CDC42BPB: variants seen among roughly 807,000 people sequenced by gnomAD.
CDC42BPB encodes the protein CDC42 binding protein kinase beta.
Under a neutral mutation model 214.9 loss-of-function variants are expected in CDC42BPB, and 37 were observed. The ratio of observed to expected loss-of-function variants is 0.17; its 90% CI spans 0.13 to 0.23. The LOEUF is 0.23. Ranked by LOEUF, CDC42BPB falls within the 10% of genes least tolerant of loss-of-function variation. The pLI is 1.00. For missense variants in CDC42BPB, 1,694 were observed against 2,227.0 expected (o/e 0.76, Z 4.82); for synonymous variants, 931 against 884.0 (o/e 1.05, Z -0.94).
At chr14:102,997,445 C>T (rs922880812) in intron 5 of CDC42BPB, among the ~76,000 whole-genome samples, 10 of 152,144 alleles carry the variant, frequency 6.6e-5, no homozygotes, top group African/African-American at 1.7e-4. Context: ...GAAAAATGAA[C>T]GGCTCGGAAA....
intron 4 of CDC42BPB, among the ~76,000 whole-genome samples, chr14:103,002,476 C>T (rs796821334): frequency 1.1e-4 from 17 of 152,330 alleles, no homozygotes; most frequent in African/African-American, 3.8e-4. Flanking sequence ...AGAAACAAAA[C>T]AAGCATCATC....
rs1038889878 is a variant in CDC42BPB at position 102,940,519 on chromosome 14, C to T, written c.4409-195G>A. ...TTTCAAAGTTTAAACAAACACAATC[C>T]AATGTTTAAATGCTCCACAATCACT... On this transcript the variant is annotated intron_variant, in intron 30 of 36. Coordinates refer to ENST00000361246, the MANE Select transcript of CDC42BPB (RefSeq NM_006035.4). 2.1e-4 allele frequency: 286 copies of T among 1,393,898 alleles called. 1 individual carries two copies. The highest frequency in any genetic ancestry group is 5.2e-4 in the Middle Eastern group (2 of 3,840). 86.3% of individuals were successfully genotyped at this position (1,393,898 alleles called of 1,614,324 possible).
chr14:102,951,325 C>T (rs34710550), intron 24 of CDC42BPB, among the ~76,000 whole-genome samples: 1 of 152,212 alleles, frequency 6.6e-6, no homozygotes, highest in African/African-American at 2.4e-5. Context: ...TTCACAGACC[C>T]ATGGTCAGGA....
At chr14:103,008,436 G>T in intron 3 of CDC42BPB, 36 bp downstream of exon 3, 1 of 1,334,362 alleles carries the variant, frequency 7.5e-7, no homozygotes, top group Non-Finnish European at 1.1e-6. Flanking sequence ...CTCACCCCAA[G>T]CCCCATTTGT....
chr14:103,004,119 A>G lies in CDC42BPB; in HGVS notation c.352-96T>C, dbSNP rs1353444096. The stretch of plus-strand genomic sequence containing the variant: ...GGGTCCCTCCTGGGACAGTGGCTCC[A>G]GCCACGGTGTCCCTGCCTTCCGGGC... On this transcript the variant is annotated intron_variant, in intron 3 of 36. Coordinates refer to ENST00000361246, the MANE Select transcript of CDC42BPB (RefSeq NM_006035.4). This position sits in a 1 kb window ranked among gnomAD's most constrained non-coding sequence, Gnocchi z 5.3. The G allele has an allele frequency of 5.6e-6, 8 of 1,428,646 alleles. No individual in the cohort carries two copies. Among genetic ancestry groups the G allele is most frequent in the Non-Finnish European group, 7.4e-6 (8 of 1,085,338 alleles). 88.5% of individuals were successfully genotyped at this position (1,428,646 alleles called of 1,614,324 possible).
Position 102,933,047 on chromosome 14 carries a change from A to G in CDC42BPB, c.*665T>C, listed in dbSNP as rs542119219. ...GCCGTGGAAGCGAATGGAAAACAGC[A>G]CAGCTGACTTCACAGTAGTAGATAC... On this transcript the variant is annotated 3_prime_UTR_variant, in exon 37 of 37. Coordinates refer to ENST00000361246, the MANE Select transcript of CDC42BPB (RefSeq NM_006035.4). 4.6e-5 allele frequency: 7 copies of G among 152,582 alleles called. No homozygotes were observed. The East Asian group carries it at 1.4e-3, about 29-fold the overall frequency. 9.5% of individuals were successfully genotyped at this position (152,582 alleles called of 1,614,324 possible).
rs1459897741 is a variant in CDC42BPB, at chr14:102,966,464, G to A, written c.2472-77C>T. Reference sequence around the variant, plus strand: ...AGCCAAACAAGAAGGGGACGTTCCCGCCTTCCTCGGCACACAGTGACACAG... The same window carrying A: ...AGCCAAACAAGAAGGGGACGTTCCCACCTTCCTCGGCACACAGTGACACAG... On this transcript the variant is annotated intron_variant, in intron 17 of 36. Coordinates refer to ENST00000361246, the MANE Select transcript of CDC42BPB (RefSeq NM_006035.4). 9.6e-6 allele frequency: 15 copies of A among 1,569,100 alleles called. No individual in the cohort carries two copies. The East Asian group carries it at 2.1e-4, about 22-fold the overall frequency.
rs1054178167 is a variant in CDC42BPB, at chr14:102,933,451, G to A, written c.*261C>T. ...TGCCCTCTCGGGTTGTCAGGGGTGG[G>A]AGACAGGCTGTATGGGGGTCCTTCA... On this transcript the variant is annotated 3_prime_UTR_variant, in exon 37 of 37. Coordinates refer to ENST00000361246, the MANE Select transcript of CDC42BPB (RefSeq NM_006035.4). 27 of 352,990 alleles carry A rather than the reference G, an allele frequency of 7.6e-5. No individual in the cohort carries two copies. Among genetic ancestry groups the A allele is most frequent in the Non-Finnish European group, 1.2e-4 (23 of 197,558 alleles). The allele number at this position is 352,990 out of a possible 1,614,324, so 21.9% of individuals were successfully genotyped here. A position where few individuals can be genotyped will look rare whatever the true frequency, so the allele number is the denominator to read the frequency against.
At chr14:102,953,198 A>C (rs1436775606) in intron 23 of CDC42BPB, among the ~76,000 whole-genome samples, 1 of 152,248 alleles carries the variant, frequency 6.6e-6, no homozygotes, top group Non-Finnish European at 1.5e-5. Flanking sequence ...GCAGAGACCA[A>C]TACGATCCTC....
At chr14:102,973,910 C>T in intron 12 of CDC42BPB, 106 bp downstream of exon 12, 2 of 1,371,854 alleles carry the variant, frequency 1.5e-6, no homozygotes, top group South Asian at 1.5e-5. Context: ...CAGGGACAGC[C>T]CATGGGCAGG....
rs148065700 is a variant in CDC42BPB, at chr14:102,995,086, T to C, written c.596+4479A>G. On this transcript the variant is annotated intron_variant, in intron 5 of 36. Transcript: ENST00000361246. Reference sequence around the variant, plus strand: ...TCCAAGACTTTTTGTTTTCTACATATTCTTTTTCTTAAAATTTGTACTCTG... The same window carrying C: ...TCCAAGACTTTTTGTTTTCTACATACTCTTTTTCTTAAAATTTGTACTCTG... 2.0e-3 allele frequency among the ~76,000 whole-genome samples: 305 copies of C among 152,370 alleles called. 2 individuals carry two copies. Among genetic ancestry groups the C allele is most frequent in the African/African-American group, 7.0e-3 (290 of 41,596 alleles).
Position 102,950,476 on chromosome 14 carries a change from C to T in CDC42BPB, c.3299G>A (p.Gly1100Asp). Residue 1100 changes from glycine (G) to aspartate (D), a missense_variant, in exon 25 of 37, where the codon GGC (glycine) becomes GAC (aspartate). By Grantham distance (94) the Gly-to-Asp change is moderately conservative. This residue lies in a region of CDC42BPB where 567 missense variants were observed against 790.3 expected (regional missense o/e 0.72). Transcript: ENST00000361246. The part of the protein sequence containing the change: ...VQRGIGTAYK[G>D]HVKVPKPTGV... ...GATGAAGCCGCCTACCTTGACATGG[C>T]CTTTGTAGGCTGTTCCGATGCCTCG... 6.2e-7 allele frequency: 1 copy of T among 1,613,138 alleles called. No homozygotes were observed. The highest frequency in any genetic ancestry group is 8.5e-7 in the Non-Finnish European group (1 of 1,179,978).
rs564780490 is a variant in CDC42BPB at position 103,044,498 on chromosome 14, T to C, written c.175+12501A>G. On this transcript the variant is annotated intron_variant, in intron 1 of 36. Transcript: ENST00000361246. The stretch of plus-strand genomic sequence containing the variant: ...AATTCTCCCGCCTCAGCCTCCTGAG[T>C]AGCTGGGACTACAGGCGCCCGCCAC... 2.0e-5 allele frequency among the ~76,000 whole-genome samples: 3 copies of C among 151,504 alleles called. No individual in the cohort carries two copies. In the South Asian group the frequency reaches 6.3e-4, roughly 32 times the overall value.
intron 3 of CDC42BPB, among the ~76,000 whole-genome samples, chr14:103,006,944 T>C (rs1885860767): frequency 6.6e-6 from 1 of 152,162 alleles, no homozygotes; most frequent in Admixed American, 6.5e-5. Flanking sequence ...CAGTAGCTAC[T>C]TTTTCCCCTA....
At chr14:103,011,156 G>A (rs1322047699) in intron 2 of CDC42BPB, among the ~76,000 whole-genome samples, 2 of 152,172 alleles carry the variant, frequency 1.3e-5, no homozygotes, top group Non-Finnish European at 1.5e-5. Context: ...CTGCAAGGCC[G>A]AGGCAGGTCT....
At chr14:102,939,198 C>G (rs1304800699) in intron 34 of CDC42BPB, among the ~76,000 whole-genome samples, 1 of 152,110 alleles carries the variant, frequency 6.6e-6, no homozygotes, top group African/African-American at 2.4e-5. Flanking sequence ...CTCGGCCTCC[C>G]AAAGTGCTGG....
chr14:102,981,250 A>G, intron 7 of CDC42BPB: 1 of 920,758 alleles, frequency 1.1e-6, no homozygotes, highest in Non-Finnish European at 1.3e-6. Context: ...CTGCATGTAA[A>G]TGACACATTT....
intron 1 of CDC42BPB, among the ~76,000 whole-genome samples, chr14:103,037,761 T>G (rs1011531291): frequency 2.0e-5 from 3 of 152,166 alleles, no homozygotes; most frequent in African/African-American, 4.8e-5. Context: ...CCGGGCGTGG[T>G]GGCTCACACC....
intron 1 of CDC42BPB, among the ~76,000 whole-genome samples, chr14:103,014,252 G>T (rs948362073): frequency 6.6e-6 from 1 of 151,746 alleles, no homozygotes; most frequent in East Asian, 1.9e-4. Context: ...GCCAGGACTG[G>T]AGCCCACACT....
Sources: gnomAD v4.1 joint callset for allele counts (sites outside exome capture counted in the v4.1 genomes callset) on GRCh38, gnomAD v4.1.1 for gene constraint, gnomAD v4.1.1 regional missense constraint, Gnocchi (gnomAD v3.1) non-coding constraint, MANE v1.5 for transcripts, NCBI Gene and HGNC (gene_info 2026-07-23, HGNC 2026-07-21) for gene names.